The following PDE5A variants were observed in gnomAD, a reference collection of about 807,000 sequenced individuals.
The protein encoded by PDE5A is cGMP-specific 3',5'-cyclic phosphodiesterase.
Under a neutral mutation model 110.2 loss-of-function variants are expected in PDE5A, and 67 were observed. That is an observed-to-expected ratio of 0.61 (90% CI 0.50 to 0.75). The LOEUF is 0.75. Among genes scored for constraint, PDE5A ranks in the 30% least tolerant of loss-of-function variants. The pLI is 0.00. For missense variants in PDE5A, 862 were observed against 1,045.1 expected (o/e 0.82, Z 2.42); for synonymous variants, 328 against 351.2 (o/e 0.93, Z 0.74).
intron 9 of PDE5A, among the ~76,000 whole-genome samples, chr4:119,545,630 C>T (rs1158333967): frequency 3.9e-5 from 6 of 152,168 alleles, no homozygotes; most frequent in Non-Finnish European, 5.9e-5. Flanking sequence ...AGTTGGTTAG[C>T]ATTGAAGGCA....
At chr4:119,593,392 T>G (rs923598620) in intron 3 of PDE5A, among the ~76,000 whole-genome samples, 6 of 152,274 alleles carry the variant, frequency 3.9e-5, no homozygotes, top group Non-Finnish European at 8.8e-5. Context: ...AATAAATCAC[T>G]CAGCAATAAA....
chr4:119,500,200 A>G (rs1380790269), intron 20 of PDE5A: 2 of 152,132 alleles, frequency 1.3e-5, no homozygotes, highest in African/African-American at 4.8e-5. Flanking sequence ...AGCTTTGAAC[A>G]AAGGAGTAAA....
At chr4:119,528,655 C>G (rs1155577) in intron 11 of PDE5A, 9 of 151,868 alleles carry the variant, frequency 5.9e-5, no homozygotes, top group African/African-American at 2.2e-4. Context: ...CTTTTTTGAA[C>G]GTGTAAAAGA....
chr4:119,614,390 A>G (rs1729863215), intron 1 of PDE5A, among the ~76,000 whole-genome samples: 1 of 152,192 alleles, frequency 6.6e-6, no homozygotes, highest in Non-Finnish European at 1.5e-5. Flanking sequence ...CTGAAATTCA[A>G]GATGAACTGG....
At chr4:119,578,838 G>A (rs1168569827) in intron 3 of PDE5A, among the ~76,000 whole-genome samples, 2 of 152,134 alleles carry the variant, frequency 1.3e-5, no homozygotes, top group Non-Finnish European at 2.9e-5. Context: ...ATTGACAAAT[G>A]GGATCTAATT....
intron 14 of PDE5A, among the ~76,000 whole-genome samples, chr4:119,515,897 C>T (rs546619481): frequency 6.6e-6 from 1 of 152,288 alleles, no homozygotes; most frequent in South Asian, 2.1e-4. Flanking sequence ...ATTTATTACA[C>T]ACTGCAGTGG....
chr4:119,521,013 A>G lies in PDE5A; in HGVS notation c.1827T>C (p.Asn609=), dbSNP rs1323940412. 1.2e-6 allele frequency: 2 copies of G among 1,613,014 alleles called. No homozygotes were observed. Among genetic ancestry groups the G allele is most frequent in the Admixed American group, 1.7e-5 (1 of 59,978 alleles). Residue 609 remains asparagine, a synonymous_variant, in exon 13 of 21, where the codon AAT becomes AAC. Transcript: ENST00000354960. ...ILSVKKNYRK[N]VAYHNWRHAF... ...CATGTCTCCAATTATGATAGGCAAC[A>G]TTCTTCCGATAATTCTTCTTAACAC...
chr4:119,558,065 A>T (rs1727605897), intron 7 of PDE5A, among the ~76,000 whole-genome samples: 1 of 152,180 alleles, frequency 6.6e-6, no homozygotes, highest in Admixed American at 6.5e-5. Context: ...TTAAAGAGCT[A>T]ACATAAACGG....
chr4:119,539,155 G>T, intron 10 of PDE5A, 136 bp from the exon 11 acceptor site: 1 of 705,402 alleles, frequency 1.4e-6, no homozygotes. Flanking sequence ...CTTGTTTGCT[G>T]TTTTCTTCAA....
intron 1 of PDE5A, among the ~76,000 whole-genome samples, chr4:119,620,902 GA>G (rs1048078285): frequency 1.7e-4 from 26 of 152,194 alleles, no homozygotes; most frequent in Non-Finnish European, 2.9e-4. Context: ...TGTTCAGAGA[GA>G]CCCAGTGGGA....
chr4:119,550,768 C>A (rs1239346601), intron 9 of PDE5A, among the ~76,000 whole-genome samples: 3 of 152,132 alleles, frequency 2.0e-5, no homozygotes, highest in African/African-American at 7.2e-5. Context: ...CCAAAGACAG[C>A]TTGTAGTAAA....
At chr4:119,623,044 A>T (rs919290523) in intron 1 of PDE5A, among the ~76,000 whole-genome samples, 6 of 152,022 alleles carry the variant, frequency 3.9e-5, no homozygotes, top group Non-Finnish European at 2.9e-5. Flanking sequence ...TTGCAAAAAA[A>T]AAAAAAAGTA....
At chr4:119,545,551 T>A (rs1727103044) in intron 9 of PDE5A, among the ~76,000 whole-genome samples, 1 of 152,204 alleles carries the variant, frequency 6.6e-6, no homozygotes, top group Non-Finnish European at 1.5e-5. Flanking sequence ...TAGCAAACTA[T>A]CAGTGTTACC....
At chr4:119,512,041 C>G (rs760080810) in intron 14 of PDE5A, among the ~76,000 whole-genome samples, 2 of 152,056 alleles carry the variant, frequency 1.3e-5, no homozygotes, top group Non-Finnish European at 2.9e-5. Flanking sequence ...GCTCCATATA[C>G]AAGTGTTGGA....
At chr4:119,560,984 G>A (rs938567034) in intron 6 of PDE5A, among the ~76,000 whole-genome samples, 1 of 152,190 alleles carries the variant, frequency 6.6e-6, no homozygotes, top group African/African-American at 2.4e-5. Flanking sequence ...GCTGGATGTT[G>A]TGGGCATGCC....
At chr4:119,503,026 G>GAAAT (rs1450364415) in intron 18 of PDE5A, among the ~76,000 whole-genome samples, 1 of 152,142 alleles carries the variant, frequency 6.6e-6, no homozygotes, top group Admixed American at 6.6e-5. Context: ...TACCTGGTTA[G>GAAAT]AAATAAATAG....
At position 119,627,071 on chromosome 4, in the gene PDE5A, C is replaced by A. The variant is rs368197648; in HGVS notation, c.152+1449G>T. The A allele has an allele frequency of 8.2e-5, 125 of 1,523,982 alleles. No homozygotes were observed. In the African/African-American group the frequency reaches 1.5e-3, roughly 19 times the overall value. The allele number at this position is 1,523,982 out of a possible 1,614,324, so 94.4% of individuals were successfully genotyped here. On this transcript the variant is annotated intron_variant, in intron 1 of 20. Transcript: ENST00000354960. This position sits in a 1 kb window ranked among gnomAD's most constrained non-coding sequence, Gnocchi z 4.6. ...CATCGTCCCACTGGTGCCACCGGGG[C>A]GCCACCACCCAGCACCCGAGACCCG...
intron 7 of PDE5A, among the ~76,000 whole-genome samples, chr4:119,554,199 A>T (rs1205841450): frequency 2.0e-5 from 3 of 152,122 alleles, no homozygotes; most frequent in Non-Finnish European, 4.4e-5. Flanking sequence ...CTTAGAAAAA[A>T]TTTTTAAAGC....
rs1729962666 is a variant in PDE5A, at chr4:119,616,888, T to C, written c.153-9591A>G. ...ATTTCATTTTACACATACTATGTGC[T>C]CATATTTTGTAACTAAATGAAAAGT... On this transcript the variant is annotated intron_variant, in intron 1 of 20. Transcript: ENST00000354960. Among the ~76,000 whole-genome samples, 2 of 152,190 alleles carry C rather than the reference T, an allele frequency of 1.3e-5. 1 individual carries two copies. The highest frequency in any genetic ancestry group is 4.1e-4 in the South Asian group (2 of 4,830).
Sources: allele counts gnomAD v4.1 joint callset (sites outside exome capture counted in the v4.1 genomes callset), GRCh38; gene constraint gnomAD v4.1.1; non-coding constraint Gnocchi (gnomAD v3.1); transcripts MANE v1.5; gene names NCBI Gene and HGNC (gene_info 2026-07-23, HGNC 2026-07-21).